The following ADGRB3 variants were observed in gnomAD, a reference collection of about 807,000 sequenced individuals.
The protein encoded by ADGRB3 is adhesion G protein-coupled receptor B3, also known as brain-specific angiogenesis inhibitor 3.
A neutral mutation model predicts 193.4 loss-of-function variants in ADGRB3; 37 were observed. That is an observed-to-expected ratio of 0.19 (90% CI 0.15 to 0.25). The LOEUF is 0.25. Ranked by LOEUF, ADGRB3 falls within the 10% of genes least tolerant of loss-of-function variation. The pLI, the probability that ADGRB3 is intolerant of heterozygous loss-of-function variation, is 1.00. For synonymous variants in ADGRB3, 690 were observed against 644.2 expected (o/e 1.07, Z -1.08); for missense variants, 1,637 against 1,852.9 (o/e 0.88, Z 2.14).
chr6:68,757,993 C>T (rs1199972512), intron 3 of ADGRB3, among the ~76,000 whole-genome samples: 1 of 152,062 alleles, frequency 6.6e-6, no homozygotes, highest in African/African-American at 2.4e-5. Context: ...TGTGTCCCTT[C>T]CCTGTCGCTA....
intron 17 of ADGRB3, among the ~76,000 whole-genome samples, chr6:69,162,761 G>A (rs1007491828): frequency 2.0e-5 from 3 of 152,110 alleles, no homozygotes; most frequent in African/African-American, 4.8e-5. Context: ...ATGTAAAATA[G>A]ATAGACTCAG....
At chr6:69,131,795 G>A (rs117739098) in intron 17 of ADGRB3, among the ~76,000 whole-genome samples, 2,008 of 136,800 alleles carry the variant, frequency 0.015, 81 homozygotes, top group East Asian at 0.11. Flanking sequence ...CCCCCTGACA[G>A]GCCCTTTTGT....
chr6:69,248,753 T>C (rs757011926), intron 20 of ADGRB3, among the ~76,000 whole-genome samples: 2 of 152,200 alleles, frequency 1.3e-5, no homozygotes, highest in Non-Finnish European at 2.9e-5. Flanking sequence ...ATTTTGAGCT[T>C]TCTAGAAGTA....
intron 11 of ADGRB3, among the ~76,000 whole-genome samples, chr6:69,013,787 A>G (rs1286161695): frequency 2.6e-5 from 4 of 152,172 alleles, no homozygotes; most frequent in South Asian, 2.1e-4. Flanking sequence ...TAATGGAACA[A>G]ATAATTTTGA....
intron 3 of ADGRB3, among the ~76,000 whole-genome samples, chr6:68,785,262 C>T (rs963459842): frequency 2.1e-4 from 31 of 151,066 alleles, no homozygotes; most frequent in African/African-American, 6.8e-4. Flanking sequence ...CCCATTAACT[C>T]GTCATTTAGC....
intron 17 of ADGRB3, among the ~76,000 whole-genome samples, chr6:69,114,583 C>T (rs1173841732): frequency 6.6e-6 from 1 of 152,066 alleles, no homozygotes; most frequent in East Asian, 1.9e-4. Flanking sequence ...AAGTCTTTGC[C>T]CATGCCTATG....
intron 13 of ADGRB3, among the ~76,000 whole-genome samples, chr6:69,040,037 G>T (rs1770983557): frequency 6.6e-6 from 1 of 152,064 alleles, no homozygotes; most frequent in African/African-American, 2.4e-5. Context: ...ACCATGCCCG[G>T]CCCTACATAA....
chr6:68,796,058 A>T (rs1012624887), intron 3 of ADGRB3, among the ~76,000 whole-genome samples: 2 of 152,176 alleles, frequency 1.3e-5, no homozygotes, highest in African/African-American at 4.8e-5. Context: ...GAACAAAAAA[A>T]GCTTTAGAAC....
chr6:69,203,291 G>A lies in ADGRB3; in HGVS notation c.2481-29999G>A, dbSNP rs150162620. Reference sequence around the variant, plus strand: ...TTTTATTATCATTATCATTGAGTAAGCTTTTAGCAACTACACCTTGTTATA... The same window carrying A: ...TTTTATTATCATTATCATTGAGTAAACTTTTAGCAACTACACCTTGTTATA... On this transcript the variant is annotated intron_variant, in intron 17 of 31. Transcript: ENST00000370598. 2.0e-5 allele frequency among the ~76,000 whole-genome samples: 3 copies of A among 152,196 alleles called. No individual in the cohort carries two copies. The East Asian group carries it at 5.8e-4, about 29-fold the overall frequency.
intron 20 of ADGRB3, among the ~76,000 whole-genome samples, chr6:69,272,871 A>G (rs1767211125): frequency 6.6e-6 from 1 of 152,040 alleles, no homozygotes; most frequent in African/African-American, 2.4e-5. Context: ...TAAGTCTGAG[A>G]TGTCTTTATC....
intron 3 of ADGRB3, among the ~76,000 whole-genome samples, chr6:68,773,373 AG>A (rs1582189588): frequency 6.6e-6 from 1 of 152,226 alleles, no homozygotes; most frequent in South Asian, 2.1e-4. Context: ...AGTCCTAAAG[AG>A]CCCCAACTAT....
intron 3 of ADGRB3, among the ~76,000 whole-genome samples, chr6:68,847,567 C>T (rs975426595): frequency 3.3e-5 from 5 of 152,134 alleles, no homozygotes; most frequent in African/African-American, 4.8e-5. Context: ...GGGGTTTCCA[C>T]TTTTGCTTCT....
At chr6:69,310,047 G>A (rs1309107658) in intron 20 of ADGRB3, among the ~76,000 whole-genome samples, 1 of 151,678 alleles carries the variant, frequency 6.6e-6, no homozygotes, top group Non-Finnish European at 1.5e-5. Context: ...GGGTAAAAAT[G>A]AAGGGAGTTT....
rs115417521 is a variant in ADGRB3, at chr6:68,685,306, T to C, written c.757+45874T>C. ...TTGTCCTGAATTAAATGTAATTGTA[T>C]ATTGTATCTCTGAAACAAAAAGTGA... On this transcript the variant is annotated intron_variant, in intron 3 of 31. Transcript: ENST00000370598. Among the ~76,000 whole-genome samples the C allele has an allele frequency of 4.8e-3, 725 of 152,258 alleles. 4 individuals are homozygous for C. Among genetic ancestry groups the C allele is most frequent in the African/African-American group, 0.017 (692 of 41,564 alleles).
chr6:69,173,613 A>G (rs1775346254), intron 17 of ADGRB3, among the ~76,000 whole-genome samples: 1 of 152,146 alleles, frequency 6.6e-6, no homozygotes. Context: ...GGGTAAATGG[A>G]AAGGATATTA....
chr6:68,666,944 T>A lies in ADGRB3; in HGVS notation c.757+27512T>A, dbSNP rs180895034. On this transcript the variant is annotated intron_variant, in intron 3 of 31. Coordinates refer to ENST00000370598, the MANE Select transcript of ADGRB3 (RefSeq NM_001704.3). ...CCAAATTAATGTGGTTATTTTTAGT[T>A]CTCTACAAATATGAAGTTGACCCAC... 1.4e-4 allele frequency among the ~76,000 whole-genome samples: 22 copies of A among 151,822 alleles called. No homozygotes were observed. In the East Asian group the frequency reaches 3.1e-3, roughly 21 times the overall value.
At chr6:69,354,160 C>G (rs1769286468) in intron 26 of ADGRB3, 73 bp from the exon 27 acceptor site, 2 of 1,066,794 alleles carry the variant, frequency 1.9e-6, no homozygotes, top group Middle Eastern at 2.0e-4. Context: ...TGCCTCAGAG[C>G]TGATTGCCAA....
In ADGRB3 at chr6:68,975,332, C is replaced by A. The variant is rs1768712694; in HGVS notation, c.1726C>A (p.Gln576Lys). ...CATATCAAATGAGTACAGACACTTG[C>A]AGCATTCAGTAGGTGCAAAGCCAGC... ...RCISNEYRHL[Q>K]HSIKEHLAKG... Residue 576 changes from glutamine to lysine, a missense_variant, in exon 10 of 32, where the codon CAG becomes AAG. By Grantham distance (53) the Gln-to-Lys change is moderately conservative. Transcript: ENST00000370598. 6.2e-7 allele frequency: 1 copy of A among 1,612,880 alleles called. No individual in the cohort carries two copies. Among genetic ancestry groups the A allele is most frequent in the Non-Finnish European group, 8.5e-7 (1 of 1,179,006 alleles).
chr6:68,654,752 C>T (rs1768452296), intron 3 of ADGRB3, among the ~76,000 whole-genome samples: 1 of 151,640 alleles, frequency 6.6e-6, no homozygotes, highest in African/African-American at 2.4e-5. Context: ...ATACTCTTAA[C>T]CAGGGTGATT....
Sources: gnomAD v4.1 joint callset for allele counts (sites outside exome capture counted in the v4.1 genomes callset) on GRCh38, gnomAD v4.1.1 for gene constraint, MANE v1.5 for transcripts, NCBI Gene and HGNC (gene_info 2026-07-23, HGNC 2026-07-21) for gene names.